PARD3B: variants seen among roughly 807,000 people sequenced by gnomAD.
PARD3B encodes par-3 family cell polarity regulator beta.
Under a neutral mutation model 130.2 loss-of-function variants are expected in PARD3B, and 103 were observed. That is an observed-to-expected ratio of 0.79 (90% CI 0.67 to 0.93). PARD3B has a LOEUF of 0.93. Among genes scored for constraint, PARD3B ranks in the 40% least tolerant of loss-of-function variants. PARD3B has a pLI of 0.00. For synonymous variants in PARD3B, 583 were observed against 553.2 expected, an observed-to-expected ratio of 1.05 and a Z score of -0.76; for missense variants, 1,609 against 1,499.2, an observed-to-expected ratio of 1.07 and a Z score of -1.21.
At chr2:204,734,551 C>T (rs80124135) in intron 2 of PARD3B, among the ~76,000 whole-genome samples, 32,067 of 151,998 alleles carry the variant, frequency 0.21, 3,436 homozygotes, top group African/African-American at 0.24. Flanking sequence ...TATATCTATA[C>T]AGTGGAATTC....
chr2:204,624,510 G>A (rs528464597), intron 1 of PARD3B, among the ~76,000 whole-genome samples: 13 of 152,114 alleles, frequency 8.5e-5, no homozygotes, highest in Non-Finnish European at 1.9e-4. Context: ...AAAGGTATTT[G>A]CATTTCCATA....
At chr2:204,932,902 T>C (rs1482503255) in intron 2 of PARD3B, among the ~76,000 whole-genome samples, 1 of 152,204 alleles carries the variant, frequency 6.6e-6, no homozygotes, top group Non-Finnish European at 1.5e-5. Flanking sequence ...CCCAGGGTAA[T>C]GCCACTATCC....
At chr2:204,773,660 C>T (rs546857699) in intron 2 of PARD3B, among the ~76,000 whole-genome samples, 30 of 152,202 alleles carry the variant, frequency 2.0e-4, no homozygotes, top group African/African-American at 6.3e-4. Context: ...TACAAAAATG[C>T]AAAATATAAA....
intron 3 of PARD3B, among the ~76,000 whole-genome samples, chr2:204,988,295 T>C (rs868389918): frequency 2.0e-5 from 3 of 152,198 alleles, no homozygotes; most frequent in Middle Eastern, 3.4e-3. Context: ...TTCAAAACAA[T>C]TGAACTCATG....
chr2:205,404,674 T>A (rs992167578), intron 19 of PARD3B, among the ~76,000 whole-genome samples: 1 of 152,280 alleles, frequency 6.6e-6, no homozygotes, highest in South Asian at 2.1e-4. Context: ...TATCCCTTTT[T>A]TCTTTCCTTT....
intron 16 of PARD3B, among the ~76,000 whole-genome samples, chr2:205,275,802 A>AC (rs2040920956): frequency 3.0e-5 from 4 of 134,134 alleles, no homozygotes; most frequent in African/African-American, 8.9e-5. Flanking sequence ...GCACCATTGC[A>AC]CCCCAGCCTG....
At chr2:205,023,958 G>C (rs1696824416) in intron 3 of PARD3B, among the ~76,000 whole-genome samples, 1 of 151,896 alleles carries the variant, frequency 6.6e-6, no homozygotes, top group Non-Finnish European at 1.5e-5. Flanking sequence ...CCATATACTA[G>C]GTGTGTGGTG....
intron 1 of PARD3B, among the ~76,000 whole-genome samples, chr2:204,681,366 C>T (rs940825052): frequency 3.3e-5 from 5 of 152,078 alleles, no homozygotes; most frequent in African/African-American, 7.2e-5. Flanking sequence ...CTAGGTGTTA[C>T]TTTCAACCCA....
intron 4 of PARD3B, among the ~76,000 whole-genome samples, chr2:205,071,315 G>C (rs1213325152): frequency 6.6e-6 from 1 of 152,078 alleles, no homozygotes; most frequent in Non-Finnish European, 1.5e-5. Context: ...CCCCACACTT[G>C]CCGCCATTCT....
intron 16 of PARD3B, among the ~76,000 whole-genome samples, chr2:205,248,490 T>A (rs1007168895): frequency 6.6e-6 from 1 of 151,984 alleles, no homozygotes; most frequent in Admixed American, 6.6e-5. Flanking sequence ...AATCATTTTT[T>A]AAATTCATTT....
chr2:204,751,383 G>T (rs1000243958), intron 2 of PARD3B, among the ~76,000 whole-genome samples: 16 of 152,190 alleles, frequency 1.1e-4, no homozygotes, highest in Non-Finnish European at 2.4e-4. Flanking sequence ...GGAAGGTGTT[G>T]GATTCTCTCC....
chr2:204,757,246 A>G (rs926323498), intron 2 of PARD3B, among the ~76,000 whole-genome samples: 1 of 152,196 alleles, frequency 6.6e-6, no homozygotes, highest in Non-Finnish European at 1.5e-5. Context: ...TCTTGTTGGT[A>G]GAATGATTTA....
At chr2:205,512,106 T>C (rs1334058299) in intron 21 of PARD3B, among the ~76,000 whole-genome samples, 1 of 152,140 alleles carries the variant, frequency 6.6e-6, no homozygotes, top group African/African-American at 2.4e-5. Flanking sequence ...ATATTGGAAT[T>C]GCCATTCTCC....
chr2:204,942,785 G>A (rs576205723), intron 2 of PARD3B, among the ~76,000 whole-genome samples: 1 of 152,226 alleles, frequency 6.6e-6, no homozygotes, highest in African/African-American at 2.4e-5. Context: ...TTTTCATACA[G>A]TGATTTTGAC....
chr2:205,293,320 A>G (rs2041677422), intron 16 of PARD3B, among the ~76,000 whole-genome samples: 1 of 152,180 alleles, frequency 6.6e-6, no homozygotes, highest in Non-Finnish European at 1.5e-5. Context: ...ATAAACATAC[A>G]AACCACTCAA....
At chr2:205,381,069 T>A (rs994832945) in intron 18 of PARD3B, among the ~76,000 whole-genome samples, 51 of 23,576 alleles carry the variant, frequency 2.2e-3, no homozygotes, top group East Asian at 5.9e-3. Flanking sequence ...AGAATATATA[T>A]TATATATATT....
intron 2 of PARD3B, among the ~76,000 whole-genome samples, chr2:204,702,601 G>A (rs1233884671): frequency 1.3e-5 from 2 of 151,994 alleles, no homozygotes; most frequent in South Asian, 2.1e-4. Context: ...TTTTGAAGGA[G>A]TATTGCTCTG....
Position 204,887,188 on chromosome 2 carries a change from T to A in PARD3B, c.223-77964T>A, listed in dbSNP as rs984316050. Among the ~76,000 whole-genome samples, 2 of 152,198 alleles carry A rather than the reference T, an allele frequency of 1.3e-5. No individual in the cohort carries two copies. ...GGTAATGGGATTATATTACTGTAAT[T>A]CATTTATTAAAGGAGTATTAGAATC... On this transcript the variant is annotated intron_variant, in intron 2 of 22. Transcript: ENST00000406610. This position sits in a 1 kb window ranked among gnomAD's most constrained non-coding sequence, Gnocchi z 4.2.
At chr2:205,016,785 C>T (rs1696181165) in intron 3 of PARD3B, among the ~76,000 whole-genome samples, 1 of 152,152 alleles carries the variant, frequency 6.6e-6, no homozygotes, top group African/African-American at 2.4e-5. Flanking sequence ...GAAATTCCTT[C>T]CTACTCAACT....
Sources: allele counts gnomAD v4.1 joint callset (sites outside exome capture counted in the v4.1 genomes callset), GRCh38; gene constraint gnomAD v4.1.1; non-coding constraint Gnocchi (gnomAD v3.1); transcripts MANE v1.5; gene names NCBI Gene and HGNC (gene_info 2026-07-23, HGNC 2026-07-21).